The following FGF12 variants were observed in gnomAD, a reference collection of about 807,000 sequenced individuals.
The protein encoded by FGF12 is fibroblast growth factor 12B.
Under a neutral mutation model 23.6 loss-of-function variants are expected in FGF12, and 14 were observed. That is an observed-to-expected ratio of 0.59 (90% confidence interval 0.39 to 0.93). FGF12 has a LOEUF of 0.93. Among genes scored for constraint, FGF12 ranks in the 40% least tolerant of loss-of-function variants. The pLI, the probability that FGF12 is intolerant of heterozygous loss-of-function variation, is 0.00. For synonymous variants in FGF12, 62 were observed against 77.3 expected, an observed-to-expected ratio of 0.80 and a Z score of 1.04; for missense variants, 175 against 217.8, an observed-to-expected ratio of 0.80 and a Z score of 1.24.
chr3:192,306,022 G>A (rs570365340), intron 4 of FGF12, among the ~76,000 whole-genome samples: 20 of 151,402 alleles, frequency 1.3e-4, no homozygotes, highest in Admixed American at 2.6e-4. Context: ...CAACACACCC[G>A]GCTAATTTTT....
At chr3:192,546,227 C>T (rs1486932819) in intron 2 of FGF12, among the ~76,000 whole-genome samples, 2 of 152,042 alleles carry the variant, frequency 1.3e-5, no homozygotes, top group Non-Finnish European at 2.9e-5. Flanking sequence ...AAGAATGCCT[C>T]ATTATAGAGT....
chr3:192,170,663 G>GAAA lies in FGF12; in HGVS notation c.229-10_229-8dup. 5 of 1,438,678 alleles carry GAAA rather than the reference G, an allele frequency of 3.5e-6. No homozygotes were observed. The highest frequency in any genetic ancestry group is 3.8e-6 in the Non-Finnish European group (4 of 1,062,980). 89.1% of individuals were successfully genotyped at this position (1,438,678 alleles called of 1,614,324 possible). A position where few individuals can be genotyped will look rare whatever the true frequency, so the allele number is the denominator to read the frequency against. ...ATTCTGGAGTGAAAACATCCTGTAGGAAAAAAAAAAAAAGACACAAAAAAG... is the reference window on the plus strand; with the variant it reads ...ATTCTGGAGTGAAAACATCCTGTAGGAAAAAAAAAAAAAAAAGACACAAAAAAG... On this transcript the variant is annotated splice_region_variant and splice_polypyrimidine_tract_variant and intron_variant, in intron 4 of 5. Coordinates refer to ENST00000445105, the MANE Select transcript of FGF12 (RefSeq NM_004113.6).
intron 4 of FGF12, among the ~76,000 whole-genome samples, chr3:192,201,403 C>G (rs1253863700): frequency 3.3e-5 from 5 of 152,202 alleles, no homozygotes; most frequent in Non-Finnish European, 5.9e-5. Context: ...GACACCTACT[C>G]TACAGGTCTT....
rs1404912981 is a variant in FGF12, at chr3:192,276,272, G to A, written c.228+59089C>T. Among the ~76,000 whole-genome samples the A allele has an allele frequency of 2.6e-5, 4 of 152,256 alleles. No homozygotes were observed. The East Asian group carries it at 7.7e-4, about 29-fold the overall frequency. The stretch of plus-strand genomic sequence containing the variant: ...CAAGAGCACAACTTCAAGAGGAAAT[G>A]CATGGGTAAAATGGATAAATCCCAG... On this transcript the variant is annotated intron_variant, in intron 4 of 5. Transcript: ENST00000445105.
At chr3:192,158,046 C>T (rs558715043) in intron 5 of FGF12, among the ~76,000 whole-genome samples, 9 of 152,334 alleles carry the variant, frequency 5.9e-5, no homozygotes, top group African/African-American at 1.9e-4. Context: ...GGTGCCCCTG[C>T]TCTAAGCTGA....
intron 5 of FGF12, among the ~76,000 whole-genome samples, chr3:192,160,732 A>G (rs1714823260): frequency 1.3e-5 from 2 of 152,174 alleles, no homozygotes; most frequent in African/African-American, 4.8e-5. Flanking sequence ...TTTCATAGTT[A>G]TGTTCCAAAT....
chr3:192,545,186 A>T (rs899843499), intron 2 of FGF12, among the ~76,000 whole-genome samples: 1 of 152,194 alleles, frequency 6.6e-6, no homozygotes, highest in Admixed American at 6.5e-5. Context: ...ATACTACAGG[A>T]TATTCCTTTA....
At chr3:192,435,446 C>T (rs571315287) in intron 2 of FGF12, among the ~76,000 whole-genome samples, 1 of 152,286 alleles carries the variant, frequency 6.6e-6, no homozygotes, top group East Asian at 1.9e-4. Context: ...CAGGACTGCT[C>T]ACTGTGATAA....
At chr3:192,522,764 T>A (rs893990772) in intron 2 of FGF12, among the ~76,000 whole-genome samples, 6 of 152,344 alleles carry the variant, frequency 3.9e-5, no homozygotes, top group Admixed American at 6.5e-5. Context: ...ACAATTTTTT[T>A]AATATGAATA....
intron 4 of FGF12, among the ~76,000 whole-genome samples, chr3:192,192,403 T>C (rs1716838610): frequency 6.7e-6 from 1 of 148,838 alleles, no homozygotes; most frequent in Non-Finnish European, 1.5e-5. Flanking sequence ...TTTGTAAGAT[T>C]TTTTGTTCAA....
intron 2 of FGF12, among the ~76,000 whole-genome samples, chr3:192,426,386 A>C (rs1415193365): frequency 1.3e-5 from 2 of 152,234 alleles, no homozygotes; most frequent in Non-Finnish European, 2.9e-5. Flanking sequence ...AGGGAAAAAT[A>C]TCACATCCTT....
chr3:192,548,756 C>A, intron 2 of FGF12, among the ~76,000 whole-genome samples: 1 of 152,066 alleles, frequency 6.6e-6, no homozygotes, highest in Middle Eastern at 3.4e-3. Context: ...GTGTTATATC[C>A]CTTCTAACAC....
At chr3:192,375,703 T>TA (rs1396551900) in intron 2 of FGF12, among the ~76,000 whole-genome samples, 1 of 151,058 alleles carries the variant, frequency 6.6e-6, no homozygotes, top group Non-Finnish European at 1.5e-5. Context: ...TGTGAACCAA[T>TA]AAGGAACCAA....
chr3:192,312,797 A>T (rs1490087680), intron 4 of FGF12, among the ~76,000 whole-genome samples: 1 of 151,878 alleles, frequency 6.6e-6, no homozygotes, highest in Non-Finnish European at 1.5e-5. Context: ...TGTTTCTATA[A>T]CCCTGCTTCT....
At chr3:192,477,807 T>C (rs182322899) in intron 2 of FGF12, among the ~76,000 whole-genome samples, 1 of 152,354 alleles carries the variant, frequency 6.6e-6, no homozygotes, top group East Asian at 1.9e-4. Context: ...TAGTTTAATA[T>C]GCTGTTTGAT....
intron 4 of FGF12, among the ~76,000 whole-genome samples, chr3:192,312,258 C>T (rs1715987754): frequency 6.6e-6 from 1 of 152,070 alleles, no homozygotes; most frequent in Admixed American, 6.5e-5. Flanking sequence ...TAAAAGTTTA[C>T]TCCTATGCTT....
chr3:192,538,899 G>T (rs928858496), intron 2 of FGF12, among the ~76,000 whole-genome samples: 1 of 151,984 alleles, frequency 6.6e-6, no homozygotes, highest in African/African-American at 2.4e-5. Context: ...TTTATTTGTA[G>T]TTATTGCAAA....
chr3:192,624,248 T>G (rs1715076564), intron 2 of FGF12, among the ~76,000 whole-genome samples: 1 of 152,128 alleles, frequency 6.6e-6, no homozygotes, highest in South Asian at 2.1e-4. Context: ...AAATCCCTAT[T>G]AAAATAAGGC....
intron 2 of FGF12, among the ~76,000 whole-genome samples, chr3:192,540,104 C>T (rs900661703): frequency 1.3e-5 from 2 of 151,844 alleles, no homozygotes; most frequent in Non-Finnish European, 2.9e-5. Context: ...TATTTTCTTT[C>T]ACTGATTTTT....
Sources: allele counts gnomAD v4.1 joint callset (sites outside exome capture counted in the v4.1 genomes callset), GRCh38; gene constraint gnomAD v4.1.1; transcripts MANE v1.5; gene names NCBI Gene and HGNC (gene_info 2026-07-23, HGNC 2026-07-21).